Variants in PLPP4 observed in about 807,000 individuals in gnomAD.
PLPP4 encodes diacylglycerol pyrophosphate like 2.
Under a neutral mutation model 32.2 loss-of-function variants are expected in PLPP4, and 20 were observed. The ratio of observed to expected loss-of-function variants is 0.62; its 90% CI spans 0.44 to 0.90. The LOEUF (loss-of-function observed/expected upper bound fraction) is 0.90, where lower values mean the gene tolerates loss of function less well. Ranked by LOEUF, PLPP4 falls within the 40% of genes least tolerant of loss-of-function variation. The pLI, the probability that PLPP4 is intolerant of heterozygous loss-of-function variation, is 0.00. For missense variants in PLPP4, 257 were observed against 353.1 expected (o/e 0.73, Z 2.18); for synonymous variants, 127 against 133.0 (o/e 0.95, Z 0.31).
At chr10:120,462,853 G>A (rs1028110692) in intron 1 of PLPP4, among the ~76,000 whole-genome samples, 8 of 152,176 alleles carry the variant, frequency 5.3e-5, no homozygotes, top group Admixed American at 5.2e-4. Context: ...GGCAGCAGGC[G>A]GTGGCCCTGT....
chr10:120,537,981 C>T (rs1847109713), intron 5 of PLPP4, among the ~76,000 whole-genome samples: 1 of 131,980 alleles, frequency 7.6e-6, no homozygotes, highest in Non-Finnish European at 1.6e-5. Context: ...GGTTCAGAAC[C>T]ACCAGGCCCT....
intron 5 of PLPP4, among the ~76,000 whole-genome samples, chr10:120,529,013 C>CT (rs985141351): frequency 6.6e-6 from 1 of 151,044 alleles, no homozygotes; most frequent in African/African-American, 2.4e-5. Context: ...CCCTAAATAA[C>CT]TGTCATTTCT....
intron 1 of PLPP4, among the ~76,000 whole-genome samples, chr10:120,460,232 G>A (rs1847980102): frequency 6.6e-6 from 1 of 152,234 alleles, no homozygotes; most frequent in South Asian, 2.1e-4. Context: ...ACCATGAAGT[G>A]TGTAGGCCTT....
At chr10:120,457,175 C>T (rs1205493605), upstream of PLPP4, 9 of 527,388 alleles carry the variant, frequency 1.7e-5, no homozygotes, top group African/African-American at 1.8e-4. Context: ...GCCCGGCGCC[C>T]GCCTCCGCCC....
chr10:120,581,330 C>G (rs1328020409), intron 6 of PLPP4: 13 of 983,496 alleles, frequency 1.3e-5, no homozygotes, highest in African/African-American at 1.7e-5. Flanking sequence ...CCTTCCCACT[C>G]TGGTCTAGTG....
chr10:120,498,930 C>G (rs1845103192), intron 1 of PLPP4, among the ~76,000 whole-genome samples: 1 of 152,092 alleles, frequency 6.6e-6, no homozygotes, highest in South Asian at 2.1e-4. Context: ...AAAATCACTT[C>G]TATTCTTAAT....
At chr10:120,499,408 CTTT>C (rs765911858) in intron 1 of PLPP4, among the ~76,000 whole-genome samples, 3 of 142,406 alleles carry the variant, frequency 2.1e-5, no homozygotes, top group African/African-American at 7.7e-5. Context: ...TTTTGCCATG[CTTT>C]TTTTTTTTTT....
chr10:120,568,920 C>A (rs527339683), intron 5 of PLPP4, among the ~76,000 whole-genome samples: 1 of 152,220 alleles, frequency 6.6e-6, no homozygotes, highest in African/African-American at 2.4e-5. Flanking sequence ...ACAGTGGAGC[C>A]AAAGCACCTT....
At chr10:120,578,240 A>G (rs898380352) in intron 6 of PLPP4, among the ~76,000 whole-genome samples, 16 of 152,222 alleles carry the variant, frequency 1.1e-4, no homozygotes, top group African/African-American at 3.6e-4. Flanking sequence ...AGGAGACCTC[A>G]AAGGTTTCCC....
intron 1 of PLPP4, among the ~76,000 whole-genome samples, chr10:120,463,334 A>G (rs1164078246): frequency 1.3e-5 from 2 of 152,096 alleles, no homozygotes; most frequent in African/African-American, 4.8e-5. Context: ...CCTAGAAACA[A>G]GTTTCAAATG....
At chr10:120,580,721 G>T (rs1232076393) in intron 6 of PLPP4, among the ~76,000 whole-genome samples, 1 of 150,746 alleles carries the variant, frequency 6.6e-6, no homozygotes, top group Non-Finnish European at 1.5e-5. Context: ...CCTCCCTTGT[G>T]CTGTCAGAAG....
intron 5 of PLPP4, 85 bp from the exon 6 acceptor site, chr10:120,575,046 A>G (rs1212505987): frequency 2.1e-6 from 3 of 1,448,650 alleles, no homozygotes; most frequent in Non-Finnish European, 2.8e-6. Context: ...GGGGTGTGCA[A>G]GACGGCAGAC....
chr10:120,506,575 T>C (rs182473077), intron 2 of PLPP4, among the ~76,000 whole-genome samples: 2 of 152,220 alleles, frequency 1.3e-5, no homozygotes, highest in African/African-American at 2.4e-5. Context: ...AAGATGAACT[T>C]TCTTTCTTAC....
In PLPP4 at chr10:120,477,012, C is replaced by T. The variant is rs760204168; in HGVS notation, c.56+19651C>T. Reference sequence around the variant, plus strand: ...AGAGCCACTTGTTTATAAGAATTATCTTAGTTCGCCATAATCTTGGCTTCT... The same window carrying T: ...AGAGCCACTTGTTTATAAGAATTATTTTAGTTCGCCATAATCTTGGCTTCT... On this transcript the variant is annotated intron_variant, in intron 1 of 6. Transcript: ENST00000398250. Among the ~76,000 whole-genome samples, 69 of 152,142 alleles carry T rather than the reference C, an allele frequency of 4.5e-4. 1 individual carries two copies. The highest frequency in any genetic ancestry group is 4.4e-5 in the Non-Finnish European group (3 of 68,032).
At chr10:120,543,499 A>T (rs892416548) in intron 5 of PLPP4, among the ~76,000 whole-genome samples, 4 of 149,934 alleles carry the variant, frequency 2.7e-5, no homozygotes, top group Admixed American at 2.7e-4. Flanking sequence ...CAATGCAATT[A>T]AAAAAAAAAC....
At chr10:120,501,747 G>A (rs1845264045) in intron 1 of PLPP4, among the ~76,000 whole-genome samples, 1 of 152,190 alleles carries the variant, frequency 6.6e-6, no homozygotes, top group South Asian at 2.1e-4. Flanking sequence ...GCCCATCAGG[G>A]CCACCTAGGG....
intron 3 of PLPP4, among the ~76,000 whole-genome samples, chr10:120,517,876 C>T (rs1035078946): frequency 6.6e-6 from 1 of 152,224 alleles, no homozygotes; most frequent in African/African-American, 2.4e-5. Context: ...TGCCCCCATT[C>T]ACTGCTATAT....
chr10:120,562,320 C>G (rs1028499863), intron 5 of PLPP4, among the ~76,000 whole-genome samples: 1 of 152,052 alleles, frequency 6.6e-6, no homozygotes, highest in African/African-American at 2.4e-5. Context: ...CCTAGTAATT[C>G]TAATTACTTA....
In PLPP4 at chr10:120,591,816, C is replaced by T. The variant is rs7900541; in HGVS notation, c.*2314C>T. ...TCTGCAAAGTAACAACAGAGTATTA[C>T]TAATGCTGATAATTACATGGAAAAT... On this transcript the variant is annotated 3_prime_UTR_variant, in exon 7 of 7. Coordinates refer to ENST00000398250, the MANE Select transcript of PLPP4 (RefSeq NM_001030059.3). Among the ~76,000 whole-genome samples, 55,868 of 152,030 alleles carry T rather than the reference C, an allele frequency of 0.37. 10,524 individuals are homozygous for T. The highest frequency in any genetic ancestry group is 0.46 in the South Asian group (2,234 of 4,816).
Sources: allele counts gnomAD v4.1 joint callset (sites outside exome capture counted in the v4.1 genomes callset), GRCh38; gene constraint gnomAD v4.1.1; transcripts MANE v1.5; gene names NCBI Gene and HGNC (gene_info 2026-07-23, HGNC 2026-07-21).